Variants in KBTBD12 observed in about 807,000 individuals in gnomAD.
The protein encoded by KBTBD12 is kelch repeat and BTB domain containing 12, also known as kelch repeat and BTB domain-containing protein 12.
Under a neutral mutation model 58.7 loss-of-function variants are expected in KBTBD12, and 53 were observed. That is an observed-to-expected ratio of 0.90 (90% confidence interval 0.72 to 1.14). The LOEUF is 1.14. Ranked by LOEUF, KBTBD12 falls within the 50% of genes most tolerant of loss-of-function variation. The pLI, the probability that KBTBD12 is intolerant of heterozygous loss-of-function variation, is 0.00. For missense variants in KBTBD12, 704 were observed against 751.3 expected (o/e 0.94, Z 0.74); for synonymous variants, 236 against 259.8 (o/e 0.91, Z 0.88).
At position 127,963,305 on chromosome 3, in the gene KBTBD12, C is replaced by T. The variant is rs764211724; in HGVS notation, c.1609C>T (p.Leu537Phe). The T allele has an allele frequency of 2.5e-6, 4 of 1,611,434 alleles. No homozygotes were observed. The Admixed American group carries it at 6.7e-5, about 27-fold the overall frequency. The change falls in exon 5 of 6, where the codon CTC becomes TTC. Residue 537 changes from leucine (L) to phenylalanine (F), a missense_variant. Transcript: ENST00000405109. ...AGAGGGCCCTCCCATGCCAAGTCCC[C>T]TCCTCTCACTCCGCACCAATTCCAC... Reference protein sequence around the residue: ...WREGPPMPSPLLSLRTNSTNA... With the variant: ...WREGPPMPSPFLSLRTNSTNA...
chr3:127,934,574 C>G (rs1200604803), intron 4 of KBTBD12, among the ~76,000 whole-genome samples: 1 of 152,116 alleles, frequency 6.6e-6, no homozygotes, highest in Non-Finnish European at 1.5e-5. Context: ...AGAAGTTTAT[C>G]AGACCTCATG....
At chr3:127,937,682 T>C (rs1280842033) in intron 4 of KBTBD12, among the ~76,000 whole-genome samples, 1 of 152,062 alleles carries the variant, frequency 6.6e-6, no homozygotes, top group Non-Finnish European at 1.5e-5. Context: ...TGAAAGGCAC[T>C]AATGCACACA....
intron 5 of KBTBD12, among the ~76,000 whole-genome samples, chr3:127,977,615 G>A (rs1266707427): frequency 4.6e-5 from 7 of 152,114 alleles, no homozygotes; most frequent in African/African-American, 1.7e-4. Context: ...CTTGTTGGCC[G>A]TGTGTATGTC....
Position 127,975,102 on chromosome 3 carries a change from G to T in KBTBD12, c.1691-8995G>T, listed in dbSNP as rs1015461265. Among the ~76,000 whole-genome samples, 8 of 152,234 alleles carry T rather than the reference G, an allele frequency of 5.3e-5. 1 individual carries two copies. Among genetic ancestry groups the T allele is most frequent in the Non-Finnish European group, 1.2e-4 (8 of 68,044 alleles). On this transcript the variant is annotated intron_variant, in intron 5 of 5. Transcript: ENST00000405109. ...CCAGGAGGCTACTAAGAGGGGAGAAGAGAGTAAGATGGGAAAGGAGGGGCG... is the reference window on the plus strand; with the variant it reads ...CCAGGAGGCTACTAAGAGGGGAGAATAGAGTAAGATGGGAAAGGAGGGGCG...
At chr3:127,933,571 A>G (rs1939758087) in intron 4 of KBTBD12, among the ~76,000 whole-genome samples, 1 of 152,108 alleles carries the variant, frequency 6.6e-6, no homozygotes, top group African/African-American at 2.4e-5. Context: ...AGCGCCATAG[A>G]CAGCCCAAGC....
chr3:127,984,040 G>A, intron 5 of KBTBD12, 57 bp from the exon 6 acceptor site: 1 of 1,390,562 alleles, frequency 7.2e-7, no homozygotes, highest in Non-Finnish European at 1.0e-6. Flanking sequence ...GGTGCTGATG[G>A]CCTCTGAATT....
At chr3:127,925,513 C>A (rs1386666973) in intron 2 of KBTBD12, among the ~76,000 whole-genome samples, 2 of 152,176 alleles carry the variant, frequency 1.3e-5, no homozygotes, top group African/African-American at 4.8e-5. Context: ...TTTTAGTAAA[C>A]CTCCAACCCT....
At chr3:127,924,230 T>C in intron 2 of KBTBD12, 99 bp downstream of exon 2, 3 of 703,810 alleles carry the variant, frequency 4.3e-6, no homozygotes, top group Non-Finnish European at 4.7e-6. Flanking sequence ...AAATTATTTG[T>C]AGTCAAAATT....
intron 4 of KBTBD12, among the ~76,000 whole-genome samples, chr3:127,953,779 AAAGGAATAGAT>A (rs1419707485): frequency 5.9e-5 from 9 of 152,374 alleles, no homozygotes; most frequent in African/African-American, 2.2e-4. Flanking sequence ...ACATAAAAAT[AAAGGAATAGAT>A]ATGGCCAGAT....
chr3:127,925,084 T>C (rs1361849777), intron 2 of KBTBD12, among the ~76,000 whole-genome samples: 1 of 152,206 alleles, frequency 6.6e-6, no homozygotes, highest in East Asian at 1.9e-4. Context: ...GGTCTACTAT[T>C]TGTCTGTCAT....
chr3:127,941,111 A>G (rs190389856), intron 4 of KBTBD12, among the ~76,000 whole-genome samples: 1 of 152,356 alleles, frequency 6.6e-6, no homozygotes, highest in African/African-American at 2.4e-5. Context: ...AATTTAACCA[A>G]GCATTTAAAA....
intron 4 of KBTBD12, among the ~76,000 whole-genome samples, chr3:127,939,398 C>T (rs1212558009): frequency 1.3e-5 from 2 of 150,524 alleles, no homozygotes; most frequent in African/African-American, 2.5e-5. Flanking sequence ...CATTTGGGAA[C>T]TGAAAATACC....
intron 4 of KBTBD12, among the ~76,000 whole-genome samples, chr3:127,935,698 T>C (rs1939815324): frequency 6.6e-6 from 1 of 151,966 alleles, no homozygotes; most frequent in African/African-American, 2.4e-5. Flanking sequence ...AGAAAATAAG[T>C]AGCAAAATGG....
At chr3:127,924,354 TA>T (rs1363749893) in intron 2 of KBTBD12, among the ~76,000 whole-genome samples, 1 of 148,326 alleles carries the variant, frequency 6.7e-6, no homozygotes, top group Admixed American at 6.8e-5. Flanking sequence ...ATAGCATATA[TA>T]AAAATATATA....
intron 5 of KBTBD12, among the ~76,000 whole-genome samples, chr3:127,981,264 C>T (rs757450740): frequency 6.6e-6 from 1 of 152,212 alleles, no homozygotes; most frequent in Non-Finnish European, 1.5e-5. Flanking sequence ...CATGTATCAG[C>T]TGTCAATCCT....
At chr3:127,958,061 C>G (rs1330794512) in intron 4 of KBTBD12, among the ~76,000 whole-genome samples, 3 of 152,158 alleles carry the variant, frequency 2.0e-5, no homozygotes, top group Non-Finnish European at 4.4e-5. Context: ...GGCCTAGAGA[C>G]AAACAGCCTC....
At chr3:127,979,769 T>C (rs943448566) in intron 5 of KBTBD12, among the ~76,000 whole-genome samples, 1 of 152,180 alleles carries the variant, frequency 6.6e-6, no homozygotes, top group African/African-American at 2.4e-5. Flanking sequence ...ATATATAGAA[T>C]CCTCTGCCAA....
At chr3:127,918,098 C>T (rs1559757404) in intron 1 of KBTBD12, among the ~76,000 whole-genome samples, 1 of 152,098 alleles carries the variant, frequency 6.6e-6, no homozygotes, top group Non-Finnish European at 1.5e-5. Flanking sequence ...GGTGCAGCTA[C>T]AGGGGAGGCT....
intron 4 of KBTBD12, among the ~76,000 whole-genome samples, chr3:127,932,762 A>G (rs1939734147): frequency 6.6e-6 from 1 of 152,172 alleles, no homozygotes; most frequent in African/African-American, 2.4e-5. Flanking sequence ...TTGAGATATT[A>G]AGATAATATA....
Sources: allele counts gnomAD v4.1 joint callset (sites outside exome capture counted in the v4.1 genomes callset), GRCh38; gene constraint gnomAD v4.1.1; transcripts MANE v1.5; gene names NCBI Gene and HGNC (gene_info 2026-07-23, HGNC 2026-07-21).